The following RBFOX1 variants were observed in gnomAD, a reference collection of about 807,000 sequenced individuals.
RBFOX1 encodes the protein RNA binding protein fox-1 homolog 1.
Under a neutral mutation model 57.7 loss-of-function variants are expected in RBFOX1, and 8 were observed. The ratio of observed to expected loss-of-function variants is 0.14; its 90% confidence interval spans 0.08 to 0.25. The LOEUF (loss-of-function observed/expected upper bound fraction) is 0.25, where lower values mean the gene tolerates loss of function less well. Ranked by LOEUF, RBFOX1 falls within the 10% of genes least tolerant of loss-of-function variation. The probability of loss-of-function intolerance (pLI) is 1.00; values close to 1 mark genes in which losing one functional copy is unlikely to be tolerated. For synonymous variants in RBFOX1, 326 were observed against 222.4 expected (o/e 1.47, Z -4.15); for missense variants, 611 against 548.5 (o/e 1.11, Z -1.14).
chr16:5,893,716 G>T lies in RBFOX1; in HGVS notation c.351+26381G>T, dbSNP rs947782654. Among the ~76,000 whole-genome samples, 11 of 151,872 alleles carry T rather than the reference G, an allele frequency of 7.2e-5. No homozygotes were observed. The South Asian group carries it at 1.5e-3, about 20-fold the overall frequency. On this transcript the variant is annotated intron_variant, in intron 4 of 19. Coordinates refer to the RBFOX1 transcript ENST00000641259. Reference sequence around the variant, plus strand: ...GGTTGCTATGGAGGCTGAGACATAAGAATTGCTTGAACCCAGGAAGCAGAG... The same window carrying T: ...GGTTGCTATGGAGGCTGAGACATAATAATTGCTTGAACCCAGGAAGCAGAG...
At chr16:5,419,983 A>G (rs1352720707) in intron 1 of RBFOX1, among the ~76,000 whole-genome samples, 6 of 152,132 alleles carry the variant, frequency 3.9e-5, no homozygotes, top group Non-Finnish European at 8.8e-5. Context: ...ATACCAGCCC[A>G]GCTCAGCCGA....
At chr16:5,340,183 C>T (rs1000678570) in intron 1 of RBFOX1, among the ~76,000 whole-genome samples, 3 of 152,110 alleles carry the variant, frequency 2.0e-5, no homozygotes, top group Non-Finnish European at 2.9e-5. Flanking sequence ...TGACAAAAGA[C>T]AGTTGCTTAC....
In RBFOX1 at chr16:5,843,638, A is replaced by T. The variant is rs183265882; in HGVS notation, c.319-23665A>T. Among the ~76,000 whole-genome samples, 1,267 of 152,296 alleles carry T rather than the reference A, an allele frequency of 8.3e-3. 15 individuals carry two copies. The highest frequency in any genetic ancestry group is 0.029 in the African/African-American group (1,186 of 41,548). On this transcript the variant is annotated intron_variant, in intron 3 of 19. Coordinates refer to the RBFOX1 transcript ENST00000641259. The stretch of plus-strand genomic sequence containing the variant: ...TATTCACAATAGCAAACACATTATT[A>T]TTTTTAACACATTATACCCAAGCCA...
intron 2 of RBFOX1, among the ~76,000 whole-genome samples, chr16:6,442,972 A>T (rs950068828): frequency 6.6e-6 from 1 of 152,206 alleles, no homozygotes; most frequent in Non-Finnish European, 1.5e-5. Context: ...CCACCCTGAG[A>T]CATTCTGATG....
intron 4 of RBFOX1, among the ~76,000 whole-genome samples, chr16:7,250,458 T>G (rs1236864773): frequency 4.6e-5 from 7 of 151,724 alleles, no homozygotes; most frequent in Non-Finnish European, 1.0e-4. Flanking sequence ...CACAAGAGTT[T>G]CCTGCTTCAT....
At chr16:6,409,764 G>A (rs1452414318) in intron 2 of RBFOX1, among the ~76,000 whole-genome samples, 2 of 152,174 alleles carry the variant, frequency 1.3e-5, no homozygotes, top group African/African-American at 4.8e-5. Context: ...TTCCGAAGCT[G>A]AGGGAAAATC....
intron 2 of RBFOX1, among the ~76,000 whole-genome samples, chr16:6,426,720 T>C (rs1670128563): frequency 6.6e-6 from 1 of 152,142 alleles, no homozygotes; most frequent in Non-Finnish European, 1.5e-5. Context: ...ACAGAAGCAA[T>C]TTGAAAGAAC....
At chr16:5,771,508 A>C (rs765455187) in intron 3 of RBFOX1, among the ~76,000 whole-genome samples, 3 of 152,186 alleles carry the variant, frequency 2.0e-5, no homozygotes, top group African/African-American at 7.2e-5. Context: ...TCCTGGGTTC[A>C]CATGATTCTT....
intron 4 of RBFOX1, among the ~76,000 whole-genome samples, chr16:7,407,650 G>T (rs2098368617): frequency 6.6e-6 from 1 of 152,052 alleles, no homozygotes; most frequent in Non-Finnish European, 1.5e-5. Context: ...ACCAAAATAT[G>T]GCAGCATACC....
At chr16:6,201,526 C>T (rs8054171) in intron 1 of RBFOX1, among the ~76,000 whole-genome samples, 1,772 of 152,014 alleles carry the variant, frequency 0.012, 42 homozygotes, top group African/African-American at 0.041. Flanking sequence ...AAGGGTAGCC[C>T]GGAGTGGGGA....
chr16:5,991,759 C>G (rs1164402297), intron 4 of RBFOX1, among the ~76,000 whole-genome samples: 1 of 151,680 alleles, frequency 6.6e-6, no homozygotes, highest in Non-Finnish European at 1.5e-5. Context: ...AAATCCCAGC[C>G]CTGCCAATAA....
intron 2 of RBFOX1, among the ~76,000 whole-genome samples, chr16:5,533,323 G>T (rs535430163): frequency 1.3e-5 from 2 of 152,310 alleles, no homozygotes; most frequent in South Asian, 2.1e-4. Flanking sequence ...TATGGTATGT[G>T]CTGGGCTAAT....
At chr16:5,856,187 C>CTCTATATA (rs1430331422) in intron 3 of RBFOX1, among the ~76,000 whole-genome samples, 18 of 31,066 alleles carry the variant, frequency 5.8e-4, no homozygotes, top group Middle Eastern at 0.024. Flanking sequence ...CTCTCTCTCT[C>CTCTATATA]TATATATATA....
chr16:6,956,441 A>G (rs2153536129), intron 3 of RBFOX1, among the ~76,000 whole-genome samples: 1 of 152,302 alleles, frequency 6.6e-6, no homozygotes, highest in African/African-American at 2.4e-5. Flanking sequence ...TGTCAAGAGT[A>G]AGCTACATGC....
At position 7,479,599 on chromosome 16, in the gene RBFOX1, C is replaced by T. The variant is rs2063467819; in HGVS notation, c.28-38548C>T. 1.3e-5 allele frequency among the ~76,000 whole-genome samples: 2 copies of T among 152,162 alleles called. 1 individual carries two copies. Among genetic ancestry groups the T allele is most frequent in the Admixed American group, 1.3e-4 (2 of 15,278 alleles). Reference sequence around the variant, plus strand: ...TGGGGTGTGAAGCATGAAACAGGTACTGTGCATCTCACCACAGCTCAGAGA... The same window carrying T: ...TGGGGTGTGAAGCATGAAACAGGTATTGTGCATCTCACCACAGCTCAGAGA... On this transcript the variant is annotated intron_variant, in intron 4 of 15. Transcript: ENST00000550418.
chr16:6,410,130 C>T (rs1009748120), intron 2 of RBFOX1, among the ~76,000 whole-genome samples: 5 of 150,460 alleles, frequency 3.3e-5, no homozygotes, highest in Non-Finnish European at 5.9e-5. Flanking sequence ...ACTTTCTTTT[C>T]TTCTTCATTG....
chr16:5,837,059 A>C (rs1029948969), intron 3 of RBFOX1, among the ~76,000 whole-genome samples: 15 of 151,990 alleles, frequency 9.9e-5, no homozygotes, highest in Non-Finnish European at 1.8e-4. Flanking sequence ...CCCTGACATG[A>C]TTTGGAGGTC....
intron 3 of RBFOX1, among the ~76,000 whole-genome samples, chr16:6,824,983 G>GTTCTTTTTTTTTTTTTTTTTTTTTT (rs2091915154): frequency 2.7e-5 from 1 of 36,878 alleles, no homozygotes; most frequent in African/African-American, 7.2e-5. Context: ...TTCTTTCTTG[G>GTTCTTTTTTTTTTTTTTTTTTTTTT]TTTTTTTTTT....
intron 2 of RBFOX1, among the ~76,000 whole-genome samples, chr16:6,574,931 G>A (rs1163124146): frequency 2.0e-5 from 3 of 151,452 alleles, no homozygotes; most frequent in Admixed American, 2.0e-4. Flanking sequence ...CCAGCTACTC[G>A]GGAGGCTGAG....
Sources: gnomAD v4.1 joint callset for allele counts (sites outside exome capture counted in the v4.1 genomes callset) on GRCh38, gnomAD v4.1.1 for gene constraint, MANE v1.5 for transcripts, NCBI Gene and HGNC (gene_info 2026-07-23, HGNC 2026-07-21) for gene names.